MYO10: variants seen among roughly 807,000 people sequenced by gnomAD.
MYO10 encodes unconventional myosin-X.
Under a neutral mutation model 257.3 loss-of-function variants are expected in MYO10, and 133 were observed. The ratio of observed to expected loss-of-function variants is 0.52; its 90% CI spans 0.45 to 0.60. The LOEUF (loss-of-function observed/expected upper bound fraction) is 0.60. MYO10 is among the 20% of genes least tolerant of loss of function. The pLI is 0.00. For missense variants in MYO10, 2,399 were observed against 2,635.7 expected, an observed-to-expected ratio of 0.91 and a Z score of 1.97; for synonymous variants, 1,104 against 1,028.6, an observed-to-expected ratio of 1.07 and a Z score of -1.40.
At chr5:16,680,244 C>T (rs1165334693) in intron 32 of MYO10, 140 bp from the exon 33 acceptor site, 7 of 1,056,078 alleles carry the variant, frequency 6.6e-6, no homozygotes, top group Admixed American at 2.9e-5. Flanking sequence ...TGTGTCCTGT[C>T]CTGCCCTGCA....
intron 2 of MYO10, among the ~76,000 whole-genome samples, chr5:16,832,271 T>A (rs1743184463): frequency 6.6e-6 from 1 of 152,202 alleles, no homozygotes; most frequent in Admixed American, 6.5e-5. Context: ...TTTCTATGAC[T>A]CTTTCCCTGT....
At chr5:16,854,334 A>T (rs1743898651) in intron 2 of MYO10, among the ~76,000 whole-genome samples, 1 of 152,236 alleles carries the variant, frequency 6.6e-6, no homozygotes, top group African/African-American at 2.4e-5. Context: ...AATAAAATGT[A>T]GCATATTCAT....
intron 16 of MYO10, 102 bp downstream of exon 16, chr5:16,761,943 C>A: frequency 8.0e-7 from 1 of 1,243,142 alleles, no homozygotes; most frequent in Non-Finnish European, 1.1e-6. Flanking sequence ...TCATGTGAGC[C>A]ACCATGCCCA....
chr5:16,737,429 C>T (rs1193036223), intron 19 of MYO10, among the ~76,000 whole-genome samples: 1 of 152,172 alleles, frequency 6.6e-6, no homozygotes, highest in Non-Finnish European at 1.5e-5. Flanking sequence ...CCACCACCAC[C>T]ATTTCCCATC....
chr5:16,702,598 G>A lies in MYO10; in HGVS notation c.2511-10C>T, dbSNP rs956036434. The A allele has an allele frequency of 1.9e-6, 3 of 1,572,220 alleles. No individual in the cohort carries two copies. In the African/African-American group the frequency reaches 4.1e-5, roughly 21 times the overall value. On this transcript the variant is annotated splice_polypyrimidine_tract_variant and intron_variant, in intron 23 of 40. Coordinates refer to ENST00000513610, the MANE Select transcript of MYO10 (RefSeq NM_012334.3). ...CTCTCTCTCTCTTTCTCTAAAAATA[G>A]TAAAGGAAAAGTGAAAATCAACAAC...
At chr5:16,924,959 T>G (rs1445790247) in intron 1 of MYO10, among the ~76,000 whole-genome samples, 1 of 150,210 alleles carries the variant, frequency 6.7e-6, no homozygotes, top group African/African-American at 2.4e-5. Flanking sequence ...GCCTCCCAAA[T>G]AGCTGGGACT....
At chr5:16,768,471 T>C in intron 10 of MYO10, among the ~76,000 whole-genome samples, 1 of 152,246 alleles carries the variant, frequency 6.6e-6, no homozygotes, top group Admixed American at 6.5e-5. Context: ...CATTTTCCTA[T>C]GTCGATTCCT....
intron 2 of MYO10, among the ~76,000 whole-genome samples, chr5:16,867,792 TG>T (rs1744324084): frequency 6.6e-6 from 1 of 152,218 alleles, no homozygotes; most frequent in African/African-American, 2.4e-5. Flanking sequence ...TGCAATCCCA[TG>T]ATCTTTTAGT....
At chr5:16,669,534 C>G (rs1338956845) in intron 39 of MYO10, among the ~76,000 whole-genome samples, 2 of 152,164 alleles carry the variant, frequency 1.3e-5, no homozygotes, top group Non-Finnish European at 2.9e-5. Context: ...TAATTCACAG[C>G]TCACGTTTTG....
chr5:16,692,849 C>A (rs1737569862), intron 27 of MYO10, among the ~76,000 whole-genome samples: 1 of 152,186 alleles, frequency 6.6e-6, no homozygotes, highest in Non-Finnish European at 1.5e-5. Flanking sequence ...TGATGAAGCA[C>A]CTAAGAATAG....
chr5:16,907,054 C>CA (rs1745539132), intron 1 of MYO10, among the ~76,000 whole-genome samples: 1 of 152,038 alleles, frequency 6.6e-6, no homozygotes, highest in South Asian at 2.1e-4. Context: ...GTGGAGGTTG[C>CA]AGTGAGCCAA....
rs61736777 is a variant in MYO10, at chr5:16,754,882, C to T, written c.1875G>A (p.Thr625=). Residue 625 remains threonine (T), a synonymous_variant, in exon 19 of 41, where the codon ACG becomes ACA. Coordinates refer to ENST00000513610, the MANE Select transcript of MYO10 (RefSeq NM_012334.3). ...FKDSLHSLMA[T]LSSSNPFFVR... Reference sequence around the variant, plus strand: ...CAAAGAAAGGATTAGAGGAGCTTAGCGTTGCCATTAAGGAATGCAGTGAGT... The same window carrying T: ...CAAAGAAAGGATTAGAGGAGCTTAGTGTTGCCATTAAGGAATGCAGTGAGT... 4.8e-3 allele frequency: 7,637 copies of T among 1,601,288 alleles called. 329 individuals are homozygous for T. The African/African-American group carries it at 0.087, about 18-fold the overall frequency.
In MYO10 at chr5:16,701,639, A is replaced by C; in HGVS notation, c.2756T>G (p.Leu919Arg). 6.2e-7 allele frequency: 1 copy of C among 1,613,788 alleles called. No individual in the cohort carries two copies. The highest frequency in any genetic ancestry group is 1.1e-5 in the South Asian group (1 of 91,056). Residue 919 changes from leucine to arginine, a missense_variant, in exon 25 of 41, where the codon CTG becomes CGG. Coordinates refer to ENST00000513610, the MANE Select transcript of MYO10 (RefSeq NM_012334.3). The surrounding 1 kb of genome is among the most constrained non-coding windows in gnomAD (Gnocchi z 8.1). ...LSLTEASLQK[L>R]QERRDQELRR... ...GAGCTCCTGGTCCCGCCGCTCCTGC[A>C]GCTTCTGCAGGGAAGCCTCGGTCAG...
At chr5:16,816,292 T>C (rs1301431321) in intron 3 of MYO10, among the ~76,000 whole-genome samples, 1 of 141,784 alleles carries the variant, frequency 7.1e-6, no homozygotes, top group Non-Finnish European at 1.5e-5. Flanking sequence ...TGAGCCAAGA[T>C]AGTGCCAGTG....
intron 2 of MYO10, among the ~76,000 whole-genome samples, chr5:16,858,611 A>C (rs1012925549): frequency 2.0e-5 from 3 of 152,192 alleles, no homozygotes; most frequent in Admixed American, 6.5e-5. Flanking sequence ...AAATGGCAGC[A>C]CAATCATATG....
intron 19 of MYO10, among the ~76,000 whole-genome samples, chr5:16,721,836 A>G (rs966391596): frequency 6.6e-6 from 1 of 152,166 alleles, no homozygotes; most frequent in East Asian, 1.9e-4. Context: ...ATACATGTCA[A>G]TCTTTCTAAG....
chr5:16,811,030 C>G (rs865912920), intron 3 of MYO10, among the ~76,000 whole-genome samples: 6 of 145,220 alleles, frequency 4.1e-5, no homozygotes, highest in South Asian at 2.2e-4. Flanking sequence ...CATGGCACCA[C>G]TGCACTCCAG....
intron 3 of MYO10, among the ~76,000 whole-genome samples, chr5:16,799,205 C>T (rs1009723742): frequency 7.9e-6 from 1 of 126,492 alleles, no homozygotes; most frequent in African/African-American, 2.8e-5. Flanking sequence ...ATAGAGCATC[C>T]TTTTAAGATA....
At chr5:16,823,446 C>CAGGGGGGGGG (rs1554000155) in intron 2 of MYO10, among the ~76,000 whole-genome samples, 4 of 4,188 alleles carry the variant, frequency 9.6e-4, no homozygotes, top group Non-Finnish European at 1.7e-3. Context: ...CTCCATCTTG[C>CAGGGGGGGGG]GCGGGGGGGG....
Sources: allele counts gnomAD v4.1 joint callset (sites outside exome capture counted in the v4.1 genomes callset), GRCh38; gene constraint gnomAD v4.1.1; non-coding constraint Gnocchi (gnomAD v3.1); transcripts MANE v1.5; gene names NCBI Gene and HGNC (gene_info 2026-07-23, HGNC 2026-07-21).